The following LMNTD1 variants were observed in gnomAD, a reference collection of about 807,000 sequenced individuals.
LMNTD1 encodes the protein lamin tail domain-containing protein 1.
A neutral mutation model predicts 50.9 loss-of-function variants in LMNTD1; 35 were observed. That is an observed-to-expected ratio of 0.69 (90% CI 0.53 to 0.91). The LOEUF is 0.91. Ranked by LOEUF, LMNTD1 falls within the 40% of genes least tolerant of loss-of-function variation. The pLI is 0.00. For missense variants in LMNTD1, 470 were observed against 475.5 expected, an observed-to-expected ratio of 0.99 and a Z score of 0.11; for synonymous variants, 153 against 161.9, an observed-to-expected ratio of 0.94 and a Z score of 0.42.
Position 25,614,919 on chromosome 12 carries a change from G to A in LMNTD1, c.58+33575C>T, listed in dbSNP as rs117610787. 5.0e-3 allele frequency among the ~76,000 whole-genome samples: 759 copies of A among 152,260 alleles called. 8 individuals carry two copies. Among genetic ancestry groups the A allele is most frequent in the East Asian group, 0.041 (211 of 5,180 alleles). On this transcript the variant is annotated intron_variant, in intron 1 of 7. Coordinates refer to the LMNTD1 transcript ENST00000445693. ...CCTGTTTTCACACTGTCTTCCCTCTGTTGATGTCTGGGTTCTAATCGCCTC... is the reference window on the plus strand; with the variant it reads ...CCTGTTTTCACACTGTCTTCCCTCTATTGATGTCTGGGTTCTAATCGCCTC...
chr12:25,642,758 C>G (rs1198618574), intron 1 of LMNTD1, among the ~76,000 whole-genome samples: 1 of 152,126 alleles, frequency 6.6e-6, no homozygotes, highest in Non-Finnish European at 1.5e-5. Flanking sequence ...CATGGAGAGC[C>G]TGTTTCTTAA....
rs1943244246 is a variant in LMNTD1, at chr12:25,543,633, TG to T, written c.491+2740del. Among the ~76,000 whole-genome samples the T allele has an allele frequency of 2.6e-5, 4 of 151,580 alleles. No individual in the cohort carries two copies. In the East Asian group the frequency reaches 8.1e-4, roughly 31 times the overall value. On this transcript the variant is annotated intron_variant, in intron 4 of 9. Coordinates refer to ENST00000458174, the MANE Select transcript of LMNTD1 (RefSeq NM_001145728.2). The stretch of plus-strand genomic sequence containing the variant: ...TCTTTTCTTCTACTAATTTTCAGTT[TG>T]TTTTTTTTTTCTTGCTTTCCTAGTT...
chr12:25,513,295 T>A (rs1940453313), intron 8 of LMNTD1, among the ~76,000 whole-genome samples: 1 of 152,158 alleles, frequency 6.6e-6, no homozygotes, highest in Non-Finnish European at 1.5e-5. Context: ...TATAAATTTA[T>A]AAGCATTGGA....
chr12:25,613,253 C>T (rs1331231202), intron 1 of LMNTD1, among the ~76,000 whole-genome samples: 1 of 152,156 alleles, frequency 6.6e-6, no homozygotes, highest in East Asian at 1.9e-4. Flanking sequence ...CACACAGATC[C>T]TGTTCTTCTT....
intron 1 of LMNTD1, among the ~76,000 whole-genome samples, chr12:25,631,598 G>A (rs1012024512): frequency 3.3e-5 from 5 of 152,154 alleles, no homozygotes; most frequent in African/African-American, 1.2e-4. Flanking sequence ...AAGAACAGGG[G>A]AAGAGTACTA....
chr12:25,536,197 AG>A (rs1658727608), intron 4 of LMNTD1, among the ~76,000 whole-genome samples: 1 of 152,200 alleles, frequency 6.6e-6, no homozygotes, highest in Admixed American at 6.5e-5. Flanking sequence ...ATCAGCAAAA[AG>A]ACAGTAGACA....
Position 25,648,497 on chromosome 12 carries a change from G to A in LMNTD1, c.55C>T (p.His19Tyr), listed in dbSNP as rs768659667. ...CCAGCATTCATTTCTCACTTACTGT[G>A]GTGGGTCTGGACTCTGGAAACACCG... The change falls in exon 1 of 8, where the codon CAC (histidine) becomes TAC (tyrosine). Residue 19 changes from histidine (H) to tyrosine (Y), a missense_variant. By Grantham distance (83) the His-to-Tyr change is moderately conservative. Transcript: ENST00000445693. 16 of 1,551,248 alleles carry A rather than the reference G, an allele frequency of 1.0e-5. 1 individual carries two copies. The South Asian group carries it at 1.9e-4, about 18-fold the overall frequency.
intron 9 of LMNTD1, among the ~76,000 whole-genome samples, chr12:25,483,938 A>T (rs1938526597): frequency 6.6e-6 from 1 of 151,998 alleles, no homozygotes; most frequent in Non-Finnish European, 1.5e-5. Context: ...CAAGAGCTTT[A>T]ACTTGCTGAC....
At chr12:25,539,640 T>C (rs1162598256) in intron 4 of LMNTD1, among the ~76,000 whole-genome samples, 10 of 151,532 alleles carry the variant, frequency 6.6e-5, no homozygotes, top group East Asian at 1.9e-4. Flanking sequence ...CCAAAATTGA[T>C]ACCCTAACAT....
intron 3 of LMNTD1, 66 bp from the exon 4 acceptor site, chr12:25,546,620 TA>T (rs1943453432): frequency 3.1e-6 from 3 of 969,426 alleles, no homozygotes; most frequent in African/African-American, 3.4e-5. Context: ...TAAAAGGACC[TA>T]AAGCCATTAT....
At chr12:25,483,160 C>T (rs1048827755) in intron 9 of LMNTD1, among the ~76,000 whole-genome samples, 13 of 151,896 alleles carry the variant, frequency 8.6e-5, no homozygotes, top group Non-Finnish European at 1.6e-4. Context: ...CGTGGTGGCT[C>T]ATGCCTATAA....
At chr12:25,647,207 A>G (rs1336539900) in intron 1 of LMNTD1, among the ~76,000 whole-genome samples, 3 of 152,248 alleles carry the variant, frequency 2.0e-5, no homozygotes, top group Non-Finnish European at 4.4e-5. Context: ...TAAAATTTCT[A>G]CAATCTGGCT....
intron 1 of LMNTD1, among the ~76,000 whole-genome samples, chr12:25,572,629 A>G (rs1428850360): frequency 3.9e-5 from 6 of 152,196 alleles, no homozygotes; most frequent in African/African-American, 1.4e-4. Flanking sequence ...GAATATTAAC[A>G]AAAATACCAT....
At chr12:25,634,359 A>C (rs1423640510) in intron 1 of LMNTD1, among the ~76,000 whole-genome samples, 1 of 152,178 alleles carries the variant, frequency 6.6e-6, no homozygotes, top group East Asian at 1.9e-4. Context: ...CCCTAATACC[A>C]AAACCAGGAA....
chr12:25,496,210 G>A (rs1565940477), intron 9 of LMNTD1, among the ~76,000 whole-genome samples: 1 of 152,104 alleles, frequency 6.6e-6, no homozygotes, highest in Non-Finnish European at 1.5e-5. Flanking sequence ...AGTCTGTTAG[G>A]GGTGAGATGG....
At chr12:25,615,994 C>T (rs565563893) in intron 1 of LMNTD1, among the ~76,000 whole-genome samples, 1 of 152,130 alleles carries the variant, frequency 6.6e-6, no homozygotes, top group African/African-American at 2.4e-5. Flanking sequence ...GGCACCATTC[C>T]AGACCCAGTG....
intron 1 of LMNTD1, among the ~76,000 whole-genome samples, chr12:25,621,383 C>A (rs1226767600): frequency 6.6e-6 from 1 of 152,030 alleles, no homozygotes; most frequent in Admixed American, 6.6e-5. Flanking sequence ...AGCCACTGCA[C>A]CCAGCCACGT....
At chr12:25,558,019 T>A (rs1392341725), upstream of LMNTD1, among the ~76,000 whole-genome samples, 1 of 152,174 alleles carries the variant, frequency 6.6e-6, no homozygotes, top group Non-Finnish European at 1.5e-5. Flanking sequence ...ATTCTCTAGT[T>A]TATGGAACAC....
At chr12:25,513,974 A>ACTTT (rs138906740) in intron 8 of LMNTD1, among the ~76,000 whole-genome samples, 28,384 of 151,972 alleles carry the variant, frequency 0.19, 2,814 homozygotes, top group Middle Eastern at 0.24. Context: ...AAAGGTATCA[A>ACTTT]CTCTCAACAT....
Sources: allele counts gnomAD v4.1 joint callset (sites outside exome capture counted in the v4.1 genomes callset), GRCh38; gene constraint gnomAD v4.1.1; transcripts MANE v1.5; gene names NCBI Gene and HGNC (gene_info 2026-07-23, HGNC 2026-07-21).